PDE4D: variants seen among roughly 807,000 people sequenced by gnomAD.
PDE4D encodes 3',5'-cyclic-AMP phosphodiesterase 4D.
Under a neutral mutation model 87.4 loss-of-function variants are expected in PDE4D, and 24 were observed. That is an observed-to-expected ratio of 0.27 (90% CI 0.20 to 0.39). The LOEUF (loss-of-function observed/expected upper bound fraction) is 0.39. Among genes scored for constraint, PDE4D ranks in the 10% least tolerant of loss-of-function variants. The pLI is 1.00. For missense variants in PDE4D, 714 were observed against 1,041.0 expected (o/e 0.69, Z 4.32); for synonymous variants, 384 against 383.2 (o/e 1.00, Z -0.02).
At chr5:60,011,619 A>C (rs1435653405) in intron 2 of PDE4D, among the ~76,000 whole-genome samples, 2 of 152,160 alleles carry the variant, frequency 1.3e-5, no homozygotes, top group Non-Finnish European at 2.9e-5. Flanking sequence ...ACAGCAGTCT[A>C]TGCATAGGTC....
intron 5 of PDE4D, among the ~76,000 whole-genome samples, chr5:59,099,620 T>C (rs998262076): frequency 2.0e-5 from 3 of 152,164 alleles, no homozygotes; most frequent in East Asian, 1.9e-4. Flanking sequence ...TGGGTAAAAA[T>C]TGGTACTTGA....
chr5:59,726,377 T>C (rs1756588688), intron 1 of PDE4D, among the ~76,000 whole-genome samples: 2 of 152,114 alleles, frequency 1.3e-5, no homozygotes, highest in African/African-American at 4.8e-5. Context: ...TAACCCTTTA[T>C]GTAATAGTAT....
chr5:59,723,689 T>C (rs1054986653), intron 1 of PDE4D, among the ~76,000 whole-genome samples: 13 of 152,256 alleles, frequency 8.5e-5, no homozygotes, highest in South Asian at 2.1e-4. Flanking sequence ...AAAATACCCA[T>C]ATGGGTTTTC....
intron 5 of PDE4D, among the ~76,000 whole-genome samples, chr5:59,120,569 T>G (rs920358476): frequency 2.7e-5 from 4 of 145,782 alleles, no homozygotes; most frequent in African/African-American, 1.1e-4. Flanking sequence ...CAATTCTTTC[T>G]CCCTTTCTCT....
chr5:59,436,550 CT>C (rs752736008), intron 1 of PDE4D, among the ~76,000 whole-genome samples: 1 of 152,162 alleles, frequency 6.6e-6, no homozygotes, highest in Non-Finnish European at 1.5e-5. Context: ...ATTGTAAAAA[CT>C]GTTGAGACTG....
chr5:59,753,884 C>G (rs963113393), intron 1 of PDE4D, among the ~76,000 whole-genome samples: 1 of 152,182 alleles, frequency 6.6e-6, no homozygotes, highest in African/African-American at 2.4e-5. Flanking sequence ...GCAAAGAAAA[C>G]TCTCAAGATG....
intron 1 of PDE4D, among the ~76,000 whole-genome samples, chr5:59,496,734 T>C (rs1807283039): frequency 6.6e-6 from 1 of 152,032 alleles, no homozygotes; most frequent in South Asian, 2.1e-4. Context: ...CAGGGAATGG[T>C]TGTCGAGAAG....
intron 1 of PDE4D, among the ~76,000 whole-genome samples, chr5:60,486,418 A>T (rs543339146): frequency 2.0e-4 from 31 of 152,358 alleles, no homozygotes; most frequent in Non-Finnish European, 4.0e-4. Flanking sequence ...TTACATTTTT[A>T]AAAATCTATG....
chr5:60,272,780 T>G (rs1296317836), intron 1 of PDE4D, among the ~76,000 whole-genome samples: 1 of 152,180 alleles, frequency 6.6e-6, no homozygotes, highest in African/African-American at 2.4e-5. Context: ...CCTTTAAAAA[T>G]TATATTATAA....
chr5:60,177,042 T>C (rs1783974470), intron 2 of PDE4D, among the ~76,000 whole-genome samples: 1 of 152,128 alleles, frequency 6.6e-6, no homozygotes, highest in South Asian at 2.1e-4. Flanking sequence ...GAAATGATTA[T>C]TTTTTTATAT....
At chr5:60,002,578 G>A (rs1764117465) in intron 2 of PDE4D, among the ~76,000 whole-genome samples, 2 of 152,162 alleles carry the variant, frequency 1.3e-5, no homozygotes, top group South Asian at 2.1e-4. Context: ...CCATGATTAA[G>A]TGGAATTTAT....
At chr5:59,611,373 G>C (rs892098562) in intron 1 of PDE4D, among the ~76,000 whole-genome samples, 4 of 152,080 alleles carry the variant, frequency 2.6e-5, no homozygotes, top group Non-Finnish European at 5.9e-5. Context: ...ATGATATTGG[G>C]GGTGAGGATT....
chr5:59,629,726 C>A (rs1366223980), intron 1 of PDE4D, among the ~76,000 whole-genome samples: 1 of 152,180 alleles, frequency 6.6e-6, no homozygotes, highest in African/African-American at 2.4e-5. Flanking sequence ...GGAAGCCATG[C>A]AAATTGCGCA....
intron 1 of PDE4D, among the ~76,000 whole-genome samples, chr5:60,309,768 C>T (rs1754837129): frequency 6.6e-6 from 1 of 152,162 alleles, no homozygotes; most frequent in South Asian, 2.1e-4. Flanking sequence ...GCCATATTAG[C>T]AGCAGGTGAT....
chr5:60,287,464 GAACTAA>G (rs1752522599), intron 1 of PDE4D, among the ~76,000 whole-genome samples: 1 of 152,142 alleles, frequency 6.6e-6, no homozygotes, highest in African/African-American at 2.4e-5. Context: ...TCAAAGACAA[GAACTAA>G]AATTCTTATT....
At chr5:59,964,304 T>C (rs902983349) in intron 3 of PDE4D, among the ~76,000 whole-genome samples, 5 of 152,160 alleles carry the variant, frequency 3.3e-5, no homozygotes, top group Non-Finnish European at 7.4e-5. Context: ...AATATATTTA[T>C]AGGATTTAAA....
intron 1 of PDE4D, among the ~76,000 whole-genome samples, chr5:59,533,529 A>G (rs1814603628): frequency 6.6e-6 from 1 of 152,254 alleles, no homozygotes; most frequent in African/African-American, 2.4e-5. Flanking sequence ...CTGTGACTAC[A>G]TATGGATATT....
At chr5:60,460,288 A>G in intron 1 of PDE4D, 1 of 1,035,016 alleles carries the variant, frequency 9.7e-7, no homozygotes, top group Non-Finnish European at 1.5e-6. Flanking sequence ...TTCTTTGGAT[A>G]GAAGTTTATT....
chr5:60,180,624 T>C (rs765053092), intron 2 of PDE4D, among the ~76,000 whole-genome samples: 6 of 152,158 alleles, frequency 3.9e-5, no homozygotes, highest in Non-Finnish European at 5.9e-5. Flanking sequence ...GTATCTTACA[T>C]TGGATACTCA....
Sources: gnomAD v4.1 joint callset for allele counts (sites outside exome capture counted in the v4.1 genomes callset) on GRCh38, gnomAD v4.1.1 for gene constraint, MANE v1.5 for transcripts, NCBI Gene and HGNC (gene_info 2026-07-23, HGNC 2026-07-21) for gene names.